The following EYS variants were observed in gnomAD, a reference collection of about 807,000 sequenced individuals.
The protein encoded by EYS is protein eyes shut homolog.
A neutral mutation model predicts 282.1 loss-of-function variants in EYS; 250 were observed. The ratio of observed to expected loss-of-function variants is 0.89; its 90% CI spans 0.80 to 0.98. The LOEUF (loss-of-function observed/expected upper bound fraction) is 0.98, where lower values mean the gene tolerates loss of function less well. EYS is among the 50% of genes least tolerant of loss of function. EYS has a pLI of 0.00. For missense variants in EYS, 4,016 were observed against 3,709.0 expected (o/e 1.08, Z -2.15); for synonymous variants, 1,355 against 1,282.9 (o/e 1.06, Z -1.20).
intron 30 of EYS, among the ~76,000 whole-genome samples, chr6:64,275,791 T>C (rs1350949892): frequency 2.8e-5 from 2 of 70,746 alleles, no homozygotes; most frequent in East Asian, 5.5e-4. Flanking sequence ...CTGTGTCTAC[T>C]AAAAAAATAA....
At chr6:65,525,936 G>T (rs866586010) in intron 2 of EYS, among the ~76,000 whole-genome samples, 10 of 152,300 alleles carry the variant, frequency 6.6e-5, no homozygotes, top group Admixed American at 3.9e-4. Flanking sequence ...AGTGAGTCTG[G>T]AGTGTTTTAG....
At chr6:64,490,515 T>G (rs754812569) in intron 26 of EYS, among the ~76,000 whole-genome samples, 2 of 150,824 alleles carry the variant, frequency 1.3e-5, no homozygotes, top group Non-Finnish European at 3.0e-5. Context: ...TTTAATTTAT[T>G]TGTAATTAAT....
At chr6:63,803,670 C>A (rs1459846018) in intron 37 of EYS, among the ~76,000 whole-genome samples, 1 of 152,168 alleles carries the variant, frequency 6.6e-6, no homozygotes, top group Non-Finnish European at 1.5e-5. Flanking sequence ...GGACTTATAT[C>A]TCATGCAATT....
intron 12 of EYS, among the ~76,000 whole-genome samples, chr6:65,246,692 G>A (rs1767188583): frequency 6.6e-6 from 1 of 151,902 alleles, no homozygotes; most frequent in African/African-American, 2.4e-5. Flanking sequence ...GTAGTCTTCT[G>A]GTATTCAGAT....
intron 26 of EYS, among the ~76,000 whole-genome samples, chr6:64,472,559 A>G (rs1473678819): frequency 6.6e-6 from 1 of 152,194 alleles, no homozygotes; most frequent in Non-Finnish European, 1.5e-5. Flanking sequence ...ACAAAATATA[A>G]CTTTAAGTCT....
chr6:64,642,827 A>G (rs542166770), intron 22 of EYS, among the ~76,000 whole-genome samples: 114 of 152,354 alleles, frequency 7.5e-4, no homozygotes, highest in Non-Finnish European at 1.5e-3. Flanking sequence ...ATTAATAGAT[A>G]GTACTGGGCC....
intron 35 of EYS, among the ~76,000 whole-genome samples, chr6:63,968,919 G>T (rs1340203407): frequency 6.6e-6 from 1 of 152,156 alleles, no homozygotes; most frequent in Non-Finnish European, 1.5e-5. Context: ...GTGAAAAGTA[G>T]ATCTATATTA....
chr6:64,399,403 T>A (rs1033175453), intron 28 of EYS, among the ~76,000 whole-genome samples: 3 of 151,892 alleles, frequency 2.0e-5, no homozygotes, highest in African/African-American at 7.2e-5. Flanking sequence ...TTTTCTCTTA[T>A]ATGACTATAT....
At chr6:63,834,852 C>G (rs1771759420) in intron 36 of EYS, among the ~76,000 whole-genome samples, 1 of 151,740 alleles carries the variant, frequency 6.6e-6, no homozygotes, top group East Asian at 1.9e-4. Context: ...CACATATACA[C>G]CATGGAATAC....
intron 12 of EYS, among the ~76,000 whole-genome samples, chr6:65,197,669 G>A (rs1029399775): frequency 7.9e-5 from 12 of 152,056 alleles, no homozygotes; most frequent in Admixed American, 2.6e-4. Context: ...AACTGAGATG[G>A]TAGAGTCTGT....
chr6:63,838,180 G>C (rs1771856460), intron 36 of EYS, among the ~76,000 whole-genome samples: 1 of 151,308 alleles, frequency 6.6e-6, no homozygotes, highest in African/African-American at 2.4e-5. Flanking sequence ...TCATAAATGA[G>C]TCTGGTGGTG....
chr6:65,020,487 G>C (rs1306823413), intron 13 of EYS, among the ~76,000 whole-genome samples: 1 of 152,142 alleles, frequency 6.6e-6, no homozygotes, highest in South Asian at 2.1e-4. Flanking sequence ...CCATGGCTTT[G>C]GGCAGCTCTG....
chr6:65,269,621 C>G (rs55985053), intron 12 of EYS, among the ~76,000 whole-genome samples: 36,350 of 152,006 alleles, frequency 0.24, 4,518 homozygotes, highest in Middle Eastern at 0.28. Context: ...GTACCATATA[C>G]TAGGTGGCCT....
At chr6:65,351,288 AT>A (rs1242091407) in intron 9 of EYS, among the ~76,000 whole-genome samples, 5 of 151,718 alleles carry the variant, frequency 3.3e-5, no homozygotes. Context: ...CATAATTTTA[AT>A]TTTTGTTATA....
At chr6:64,735,181 T>A (rs1056257010) in intron 22 of EYS, among the ~76,000 whole-genome samples, 1 of 152,178 alleles carries the variant, frequency 6.6e-6, no homozygotes, top group Non-Finnish European at 1.5e-5. Flanking sequence ...TCTTCCGGGT[T>A]CACGCCATTC....
intron 12 of EYS, among the ~76,000 whole-genome samples, chr6:65,184,174 A>C (rs1288343089): frequency 2.0e-5 from 3 of 151,988 alleles, no homozygotes; most frequent in African/African-American, 4.8e-5. Context: ...CTGCTTTAAC[A>C]GAATACCACA....
At chr6:64,676,033 T>C (rs1025700054) in intron 22 of EYS, among the ~76,000 whole-genome samples, 1 of 149,290 alleles carries the variant, frequency 6.7e-6, no homozygotes, top group Non-Finnish European at 1.5e-5. Context: ...TAGATATATA[T>C]AGATATACAT....
chr6:65,396,192 G>T lies in EYS; in HGVS notation c.1184+6286C>A, dbSNP rs562875954. ...CATTAGCATCTCCTAGGAGCATACT[G>T]TCTCAACTCAAAGATCTGAATCTTC... On this transcript the variant is annotated intron_variant, in intron 7 of 42. Transcript: ENST00000503581. Among the ~76,000 whole-genome samples, 20 of 152,230 alleles carry T rather than the reference G, an allele frequency of 1.3e-4. 1 individual carries two copies. The highest frequency in any genetic ancestry group is 4.6e-4 in the African/African-American group (19 of 41,536).
chr6:64,943,465 G>A (rs1769167719), intron 15 of EYS, among the ~76,000 whole-genome samples: 1 of 151,966 alleles, frequency 6.6e-6, no homozygotes, highest in South Asian at 2.1e-4. Flanking sequence ...TCCACCAAAA[G>A]GCTCAAAGTT....
Sources: gnomAD v4.1 joint callset for allele counts (sites outside exome capture counted in the v4.1 genomes callset) on GRCh38, gnomAD v4.1.1 for gene constraint, MANE v1.5 for transcripts, NCBI Gene and HGNC (gene_info 2026-07-23, HGNC 2026-07-21) for gene names.